Variants in ARHGEF11 observed in about 807,000 individuals in gnomAD.
ARHGEF11 encodes Rho guanine nucleotide exchange factor 11.
A neutral mutation model predicts 193.7 loss-of-function variants in ARHGEF11; 55 were observed. The observed-to-expected ratio is 0.28, with a 90% CI of 0.23 to 0.36. The LOEUF (loss-of-function observed/expected upper bound fraction) is 0.36. Ranked by LOEUF, ARHGEF11 falls within the 10% of genes least tolerant of loss-of-function variation. The pLI is 1.00. For missense variants in ARHGEF11, 1,723 were observed against 2,005.6 expected, an observed-to-expected ratio of 0.86 and a Z score of 2.69; for synonymous variants, 693 against 768.0, an observed-to-expected ratio of 0.90 and a Z score of 1.62.
rs1181794677 is a variant in ARHGEF11 at position 156,954,117 on chromosome 1, T to C, written c.1798+775A>G. ...GGCACTGACCGGGCGCAGTGGCTCA[T>C]GCCTATAATCCCAGCACTCTCGGAG... On this transcript the variant is annotated intron_variant, in intron 21 of 40. Coordinates refer to ENST00000368194, the MANE Select transcript of ARHGEF11 (RefSeq NM_198236.3). Among the ~76,000 whole-genome samples the C allele has an allele frequency of 2.0e-5, 3 of 151,998 alleles. No homozygotes were observed. In the East Asian group the frequency reaches 5.8e-4, roughly 29 times the overall value.
At chr1:156,987,893 C>A (rs552069289) in intron 1 of ARHGEF11, among the ~76,000 whole-genome samples, 1 of 152,306 alleles carries the variant, frequency 6.6e-6, no homozygotes, top group Admixed American at 6.5e-5. Context: ...AGAAAAACCA[C>A]AACAGAGCCA....
At chr1:157,023,760 C>A (rs1458894197) in intron 1 of ARHGEF11, among the ~76,000 whole-genome samples, 2 of 113,724 alleles carry the variant, frequency 1.8e-5, no homozygotes, top group African/African-American at 3.2e-5. Context: ...AGCGAGACTC[C>A]ATCTCAAAAA....
chr1:156,938,701 C>T (rs1229223675), intron 37 of ARHGEF11, 188 bp from the exon 38 acceptor site: 3 of 517,546 alleles, frequency 5.8e-6, no homozygotes, highest in Non-Finnish European at 1.0e-5. Flanking sequence ...CACCAATTCA[C>T]CGAGAGACAG....
At chr1:157,011,440 T>G (rs1338253007) in intron 1 of ARHGEF11, among the ~76,000 whole-genome samples, 1 of 152,118 alleles carries the variant, frequency 6.6e-6, no homozygotes, top group Admixed American at 6.5e-5. Context: ...TTTCTAGATA[T>G]GACACCAAAA....
rs762160091 is a variant in ARHGEF11, at chr1:156,948,191, T to C, written c.2143A>G (p.Met715Val). ...GTGCCCATCACTTACCTGCGGCCCATTTTGGGAGTGAATGGAGGGGTTGGG... is the reference window on the plus strand; with the variant it reads ...GTGCCCATCACTTACCTGCGGCCCACTTTGGGAGTGAATGGAGGGGTTGGG... Reference protein sequence around the residue: ...ENPTPPFTPKMGRRSIESPSL... With the variant: ...ENPTPPFTPKVGRRSIESPSL... The change falls in exon 24 of 41, where the codon ATG becomes GTG. Residue 715 changes from methionine to valine, a missense_variant. Met to Val is a conservative substitution (Grantham distance 21). Around this residue, in one of 5 missense-constraint regions of ARHGEF11, gnomAD observed 491 missense variants for 654.5 expected, o/e 0.75. Coordinates refer to ENST00000368194, the MANE Select transcript of ARHGEF11 (RefSeq NM_198236.3). The surrounding 1 kb of genome is among the most constrained non-coding windows in gnomAD (Gnocchi z 4.2). The C allele has an allele frequency of 1.3e-6, 2 of 1,570,228 alleles. No individual in the cohort carries two copies. Among genetic ancestry groups the C allele is most frequent in the African/African-American group, 1.4e-5 (1 of 73,930 alleles).
intron 4 of ARHGEF11, among the ~76,000 whole-genome samples, chr1:156,979,848 C>G (rs1013285221): frequency 6.6e-6 from 1 of 152,188 alleles, no homozygotes; most frequent in Non-Finnish European, 1.5e-5. Context: ...TTCATTCATT[C>G]ACTTATTTTT....
At chr1:156,938,028 C>T (rs984807548) in intron 38 of ARHGEF11, among the ~76,000 whole-genome samples, 17 of 152,226 alleles carry the variant, frequency 1.1e-4, no homozygotes, top group Non-Finnish European at 8.8e-5. Context: ...AGAACCACCG[C>T]GGAATCTGGG....
At chr1:156,939,435 C>A in intron 37 of ARHGEF11, 113 bp downstream of exon 37, 1 of 1,479,568 alleles carries the variant, frequency 6.8e-7, no homozygotes, top group South Asian at 1.2e-5. Context: ...CAGCGTAGGT[C>A]TCTGCTCACA....
At chr1:156,993,400 T>C (rs1571401392) in intron 1 of ARHGEF11, among the ~76,000 whole-genome samples, 1 of 152,256 alleles carries the variant, frequency 6.6e-6, no homozygotes, top group East Asian at 1.9e-4. Flanking sequence ...ATAATACACA[T>C]ATGCTATATA....
intron 11 of ARHGEF11, among the ~76,000 whole-genome samples, chr1:156,966,103 G>A (rs973823287): frequency 1.3e-5 from 2 of 152,220 alleles, no homozygotes; most frequent in African/African-American, 4.8e-5. Context: ...TCCAAGGTGA[G>A]AGGACAAGTT....
rs1465128166 is a variant in ARHGEF11, at chr1:157,044,622, C to CA, written c.-293dup. ...GAAAAACTACGACCTTCTCAGAAAC[C>CA]AAAAACCCAGCCACGAATCTCTTCA... On this transcript the variant is annotated 5_prime_UTR_variant, in exon 1 of 41. Coordinates refer to ENST00000368194, the MANE Select transcript of ARHGEF11 (RefSeq NM_198236.3). 1.2e-5 allele frequency: 6 copies of CA among 488,232 alleles called. No homozygotes were observed. The highest frequency in any genetic ancestry group is 2.2e-5 in the Non-Finnish European group (6 of 277,152). The allele number at this position is 488,232 out of a possible 1,614,324, so 30.2% of individuals were successfully genotyped here.
intron 18 of ARHGEF11, among the ~76,000 whole-genome samples, chr1:156,956,883 G>A (rs1033260823): frequency 2.0e-5 from 3 of 152,158 alleles, no homozygotes; most frequent in Admixed American, 2.0e-4. Flanking sequence ...TCCCTAAAAT[G>A]TAAGTAAATA....
intron 1 of ARHGEF11, among the ~76,000 whole-genome samples, chr1:157,032,069 T>G (rs867695981): frequency 6.6e-6 from 1 of 152,246 alleles, no homozygotes; most frequent in Admixed American, 6.5e-5. Flanking sequence ...ATTTCTCTTA[T>G]GTATGACTCT....
chr1:156,968,898 T>C (rs984666017), intron 10 of ARHGEF11, among the ~76,000 whole-genome samples: 2 of 152,194 alleles, frequency 1.3e-5, no homozygotes, highest in Non-Finnish European at 2.9e-5. Context: ...ATAGGTTGGG[T>C]TCACTGTATT....
Position 156,944,447 on chromosome 1 carries a change from ACCATTCAT to A in ARHGEF11, c.2992-22_2992-15del, listed in dbSNP as rs2101891584. 3 of 1,544,082 alleles carry A rather than the reference ACCATTCAT, an allele frequency of 1.9e-6. No homozygotes were observed. The highest frequency in any genetic ancestry group is 1.7e-6 in the Non-Finnish European group (2 of 1,150,164). On this transcript the variant is annotated splice_polypyrimidine_tract_variant and intron_variant, in intron 30 of 40. Coordinates refer to ENST00000368194, the MANE Select transcript of ARHGEF11 (RefSeq NM_198236.3). ...AAGATCCAGGCTCTGTTAAGGAGACACCATTCATTCATTCATTCATTCATTCATTCATT... is the reference window on the plus strand; with the variant it reads ...AAGATCCAGGCTCTGTTAAGGAGACATCATTCATTCATTCATTCATTCATT...
chr1:157,041,971 G>A (rs554579666), intron 1 of ARHGEF11, among the ~76,000 whole-genome samples: 13 of 152,260 alleles, frequency 8.5e-5, no homozygotes, highest in East Asian at 7.7e-4. Flanking sequence ...TCCATAATCC[G>A]CAGCGTATTA....
At chr1:156,989,929 C>T (rs901582741) in intron 1 of ARHGEF11, among the ~76,000 whole-genome samples, 8 of 152,130 alleles carry the variant, frequency 5.3e-5, no homozygotes, top group Non-Finnish European at 1.0e-4. Flanking sequence ...CTATTTTAGC[C>T]TATATCCCCT....
intron 29 of ARHGEF11, chr1:156,945,443 C>CT (rs1657942648): frequency 3.8e-6 from 2 of 523,530 alleles, no homozygotes; most frequent in African/African-American, 1.9e-5. Context: ...ATCCCTGCCT[C>CT]TACTACAACC....
intron 1 of ARHGEF11, among the ~76,000 whole-genome samples, chr1:157,034,351 C>A (rs1011707112): frequency 1.3e-5 from 2 of 152,186 alleles, no homozygotes; most frequent in African/African-American, 4.8e-5. Flanking sequence ...CAGGGTAGGC[C>A]TTGTGCCCAT....
Sources: allele counts gnomAD v4.1 joint callset (sites outside exome capture counted in the v4.1 genomes callset), GRCh38; gene constraint gnomAD v4.1.1; regional missense constraint gnomAD v4.1.1; non-coding constraint Gnocchi (gnomAD v3.1); transcripts MANE v1.5; gene names NCBI Gene and HGNC (gene_info 2026-07-23, HGNC 2026-07-21).